The following PAICS variants were observed in gnomAD, a reference collection of about 807,000 sequenced individuals.
PAICS encodes the protein bifunctional phosphoribosylaminoimidazole carboxylase/phosphoribosylaminoimidazole succinocarboxamide synthetase.
In PAICS, 33 loss-of-function variants were observed where a neutral mutation model predicts 53.7. The ratio of observed to expected loss-of-function variants is 0.61; its 90% CI spans 0.47 to 0.82. PAICS has a LOEUF of 0.82. PAICS is among the 40% of genes least tolerant of loss of function. The pLI is 0.00. For missense variants in PAICS, 394 were observed against 494.1 expected (o/e 0.80, Z 1.92); for synonymous variants, 141 against 167.2 (o/e 0.84, Z 1.21).
At position 56,436,275 on chromosome 4, in the gene PAICS, TTCCCGGCGCGG is replaced by T; in HGVS notation, c.-35_-25del. 6.3e-7 allele frequency: 1 copy of T among 1,591,144 alleles called. No homozygotes were observed. The highest frequency in any genetic ancestry group is 8.6e-7 in the Non-Finnish European group (1 of 1,169,336). ...CCTCTTTTCTAGAGTTCTGCCTCGC[TTCCCGGCGCGG>T]TCGCAGCCCTCAGCCCACTTAGGAT... is the stretch of plus-strand genomic sequence containing the variant. On this transcript the variant is annotated 5_prime_UTR_variant, in exon 1 of 9. Transcript: ENST00000512576.
upstream of PAICS, among the ~76,000 whole-genome samples, chr4:56,433,395 A>C: frequency 9.1e-6 from 1 of 109,742 alleles, no homozygotes; most frequent in African/African-American, 3.5e-5. Flanking sequence ...AATGGTATTC[A>C]TTAAAAAAAA....
upstream of PAICS, chr4:56,435,256 C>T (rs113616835): frequency 8.3e-6 from 13 of 1,566,154 alleles, no homozygotes; most frequent in African/African-American, 4.0e-5. Flanking sequence ...GTCGGTCCTC[C>T]CGGGCCCTCG....
Position 56,451,992 on chromosome 4 carries a change from C to T in PAICS, c.892C>T (p.Arg298Ter), listed in dbSNP as rs772673782. ...AAATTTTGGCATTCCATGTGAACTT[C>T]GAGTAACATCTGCGCATAAAGGACC... ...CGNFGIPCELRVTSAHKGPDE... is the reference protein window; with the variant it reads ...CGNFGIPCEL The change falls in exon 7 of 9, where the codon CGA (arginine) becomes TGA (stop). Residue 298 changes from arginine (R) to a stop codon, truncating the protein, a stop_gained. Transcript: ENST00000512576. LOFTEE classifies it high-confidence loss of function. 9.9e-6 allele frequency: 16 copies of T among 1,609,004 alleles called. No individual in the cohort carries two copies. Among genetic ancestry groups the T allele is most frequent in the Admixed American group, 1.7e-5 (1 of 59,394 alleles).
intron 1 of PAICS, 34 bp from the exon 2 acceptor site, chr4:56,441,629 T>G: frequency 9.1e-7 from 1 of 1,097,900 alleles, no homozygotes; most frequent in Non-Finnish European, 1.3e-6. Flanking sequence ...AGGAAGTTTC[T>G]GAATTTTGGT....
rs1277856967 is a variant in PAICS at position 56,462,387 on chromosome 4, A to G, written c.*2849A>G. ...AGGCCACACTGAAGTGTGACAGGAA[A>G]AACTCAGTTTGAGCAGAGGCTTGAC... On this transcript the variant is annotated 3_prime_UTR_variant, in exon 9 of 9. Transcript: ENST00000512576. 5 of 152,254 alleles carry G rather than the reference A, an allele frequency of 3.3e-5. No homozygotes were observed. The highest frequency in any genetic ancestry group is 1.2e-4 in the African/African-American group (5 of 41,458). The allele number at this position is 152,254 out of a possible 1,614,324, so 9.4% of individuals were successfully genotyped here. A position where few individuals can be genotyped will look rare whatever the true frequency, so the allele number is the denominator to read the frequency against.
chr4:56,436,297 C>G lies in PAICS; in HGVS notation c.-16C>G. On this transcript the variant is annotated 5_prime_UTR_variant, in exon 1 of 9. Coordinates refer to ENST00000512576, the MANE Select transcript of PAICS (RefSeq NM_001079524.2). ...CGCTTCCCGGCGCGGTCGCAGCCCT[C>G]AGCCCACTTAGGATAATGGCGACAG... The G allele has an allele frequency of 6.2e-7, 1 of 1,600,468 alleles. No homozygotes were observed. Among genetic ancestry groups the G allele is most frequent in the Non-Finnish European group, 8.5e-7 (1 of 1,174,116 alleles).
At chr4:56,436,093 G>A (rs1717920774), upstream of PAICS, 3 of 1,478,732 alleles carry the variant, frequency 2.0e-6, no homozygotes, top group East Asian at 2.5e-5. Context: ...GCGCCTGCGC[G>A]GCGGGAAGCC....
chr4:56,435,667 C>T, upstream of PAICS: 2 of 1,435,184 alleles, frequency 1.4e-6, no homozygotes, highest in Non-Finnish European at 1.8e-6. Flanking sequence ...CCCTGCTCCT[C>T]CCCCTCCGAG....
At chr4:56,412,682 T>C in the PAICS span, among the ~76,000 whole-genome samples, 1 of 152,220 alleles carries the variant, frequency 6.6e-6, no homozygotes, top group Non-Finnish European at 1.5e-5. Flanking sequence ...CCTTGATTTT[T>C]GGTCAGTCAC....
At chr4:56,432,525 CAAAAA>C (rs34998854), upstream of PAICS, among the ~76,000 whole-genome samples, 3 of 75,360 alleles carry the variant, frequency 4.0e-5, no homozygotes, top group South Asian at 4.3e-4. Flanking sequence ...GACCCTGTCT[CAAAAA>C]AAAAAAAAAA....
Position 56,450,696 on chromosome 4 carries a change from A to T in PAICS, c.765A>T (p.Arg255Ser). Residue 255 changes from arginine to serine, a missense_variant, in exon 6 of 9, where the codon AGA (arginine) becomes AGT (serine). Physicochemically the swap from Arg to Ser is moderately radical, Grantham distance 110. Transcript: ENST00000512576. ...VKKNFEWVAERVELLLKSESQ... is the reference protein window; with the variant it reads ...VKKNFEWVAESVELLLKSESQ... The stretch of plus-strand genomic sequence containing the variant: ...AAAACTTTGAGTGGGTTGCAGAGAG[A>T]GTAGAGGTAAACCTTCTATAGTAAA... The T allele has an allele frequency of 6.8e-7, 1 of 1,465,728 alleles. No individual in the cohort carries two copies. The highest frequency in any genetic ancestry group is 9.4e-7 in the Non-Finnish European group (1 of 1,066,182). The allele number at this position is 1,465,728 out of a possible 1,614,324, so 90.8% of individuals were successfully genotyped here.
At chr4:56,433,609 T>C (rs1364157100), upstream of PAICS, among the ~76,000 whole-genome samples, 1 of 151,804 alleles carries the variant, frequency 6.6e-6, no homozygotes, top group African/African-American at 2.4e-5. Context: ...TGAAGTACAG[T>C]TCATACATAT....
intron 3 of PAICS, among the ~76,000 whole-genome samples, chr4:56,447,787 G>A (rs796514393): frequency 5.3e-5 from 8 of 152,228 alleles, no homozygotes; most frequent in African/African-American, 1.9e-4. Flanking sequence ...CAAATTAAGA[G>A]TAATAGTTTT....
At chr4:56,459,157 C>T (rs1719373093) in intron 8 of PAICS, among the ~76,000 whole-genome samples, 1 of 152,196 alleles carries the variant, frequency 6.6e-6, no homozygotes, top group Non-Finnish European at 1.5e-5. Context: ...TAAAATATCT[C>T]TTCATGGCAG....
chr4:56,417,907 C>T, the PAICS span, among the ~76,000 whole-genome samples: 7 of 145,716 alleles, frequency 4.8e-5, no homozygotes, highest in Non-Finnish European at 8.9e-5. Flanking sequence ...GTGGTGCAAT[C>T]TCGGCTCACT....
At chr4:56,445,182 G>A (rs1445293205) in intron 2 of PAICS, among the ~76,000 whole-genome samples, 1 of 152,150 alleles carries the variant, frequency 6.6e-6, no homozygotes, top group Non-Finnish European at 1.5e-5. Context: ...AGAGGAAATA[G>A]TGTAGGGTTT....
At position 56,451,905 on chromosome 4, in the gene PAICS, G is replaced by T; in HGVS notation, c.805G>T (p.Val269Leu). 2.5e-6 allele frequency: 4 copies of T among 1,606,934 alleles called. No homozygotes were observed. The highest frequency in any genetic ancestry group is 3.4e-6 in the Non-Finnish European group (4 of 1,176,772). ...GAAATCAGAAAGTCAGTGCAGGGTT[G>T]TAGTGTTGATGGGCTCTACTTCTGA... ...LLKSESQCRV[V>L]VLMGSTSDLG... The change falls in exon 7 of 9, where the codon GTA (valine) becomes TTA (leucine). Residue 269 changes from valine to leucine, a missense_variant. This residue lies in a region of PAICS where 131 missense variants were observed against 205.5 expected (regional missense o/e 0.64). Transcript: ENST00000512576.
the PAICS span, among the ~76,000 whole-genome samples, chr4:56,419,186 A>G: frequency 6.6e-5 from 10 of 152,340 alleles, no homozygotes; most frequent in South Asian, 2.1e-3. Context: ...ATAAAGAAAA[A>G]AGAAAGGAGT....
upstream of PAICS, among the ~76,000 whole-genome samples, chr4:56,434,905 G>A (rs1219624477): frequency 1.3e-5 from 2 of 152,224 alleles, no homozygotes; most frequent in African/African-American, 4.8e-5. Flanking sequence ...GGTGGTTGGA[G>A]GCCCCGCGCG....
Sources: gnomAD v4.1 joint callset for allele counts (sites outside exome capture counted in the v4.1 genomes callset) on GRCh38, gnomAD v4.1.1 for gene constraint, gnomAD v4.1.1 regional missense constraint, MANE v1.5 for transcripts, NCBI Gene and HGNC (gene_info 2026-07-23, HGNC 2026-07-21) for gene names.